Variants in POLR1A observed in about 807,000 individuals in gnomAD.
POLR1A encodes RNA polymerase I subunit A, also known as DNA-directed RNA polymerase I subunit RPA1.
In POLR1A, 84 loss-of-function variants were observed where a neutral mutation model predicts 205.3. The ratio of observed to expected loss-of-function variants is 0.41; its 90% CI spans 0.34 to 0.49. The LOEUF (loss-of-function observed/expected upper bound fraction) is 0.49, where lower values mean the gene tolerates loss of function less well. Among genes scored for constraint, POLR1A ranks in the 20% least tolerant of loss-of-function variants. The probability of loss-of-function intolerance (pLI) is 0.22; values close to 1 mark genes in which losing one functional copy is unlikely to be tolerated. For synonymous variants in POLR1A, 799 were observed against 863.7 expected, an observed-to-expected ratio of 0.93 and a Z score of 1.31; for missense variants, 1,645 against 2,204.5, an observed-to-expected ratio of 0.75 and a Z score of 5.08.
At position 86,039,405 on chromosome 2, in the gene POLR1A, C is replaced by T. The variant is rs768233457; in HGVS notation, c.3798G>A (p.Val1266=). 3 of 1,614,088 alleles carry T rather than the reference C, an allele frequency of 1.9e-6. No homozygotes were observed. In the Admixed American group the frequency reaches 5.0e-5, roughly 27 times the overall value. The change falls in exon 26 of 34, where the codon GTG becomes GTA. Residue 1266 remains valine (V), a synonymous_variant. Transcript: ENST00000263857. ...SANIKTPMMS[V]PVLNTKKALK... is the part of the protein sequence containing the mutation. ...GGGCTTTCTTGGTGTTGAGCACGGG[C>T]ACGCTCATCATGGGTGTCTTGATGT...
intron 9 of POLR1A, among the ~76,000 whole-genome samples, chr2:86,079,381 C>T (rs936116609): frequency 1.3e-5 from 2 of 152,042 alleles, no homozygotes; most frequent in Non-Finnish European, 2.9e-5. Context: ...CTGGAGTATC[C>T]CCAATGCCTA....
intron 11 of POLR1A, 50 bp downstream of exon 11, chr2:86,077,809 G>GCACACA (rs758996128): frequency 3.4e-5 from 44 of 1,302,370 alleles, no homozygotes; most frequent in Middle Eastern, 5.3e-4. Flanking sequence ...GCACGCGCGC[G>GCACACA]CGCACACACA....
intron 3 of POLR1A, among the ~76,000 whole-genome samples, chr2:86,090,478 A>T (rs1368433195): frequency 6.6e-6 from 1 of 152,082 alleles, no homozygotes; most frequent in Non-Finnish European, 1.5e-5. Context: ...GACTGCAAAG[A>T]GCCAAGATAG....
At chr2:86,073,603 A>G (rs998730290) in intron 12 of POLR1A, among the ~76,000 whole-genome samples, 2 of 152,130 alleles carry the variant, frequency 1.3e-5, no homozygotes, top group Non-Finnish European at 2.9e-5. Flanking sequence ...CTTGGACATT[A>G]TGTGCTTAAA....
chr2:86,052,804 G>A lies in POLR1A; in HGVS notation c.2392+13C>T, dbSNP rs142989159. On this transcript the variant is annotated intron_variant, in intron 16 of 33. Transcript: ENST00000263857. ...ACGGGTCACTGCCCCAGGGCAGCGA[G>A]CCCGGCACTTACCCAAGGTGAAGCC... 0.029 allele frequency: 43,293 copies of A among 1,501,076 alleles called. 782 individuals are homozygous for A. The highest frequency in any genetic ancestry group is 0.03 in the Non-Finnish European group (33,622 of 1,119,610). 93.0% of individuals were successfully genotyped at this position (1,501,076 alleles called of 1,614,324 possible). A position where few individuals can be genotyped will look rare whatever the true frequency, so the allele number is the denominator to read the frequency against.
chr2:86,039,519 G>A lies in POLR1A; in HGVS notation c.3741-57C>T, dbSNP rs535910211. On this transcript the variant is annotated intron_variant, in intron 25 of 33. Coordinates refer to ENST00000263857, the MANE Select transcript of POLR1A (RefSeq NM_015425.6). Reference sequence around the variant, plus strand: ...AGTGGCAACCAGACCTTCTGTTTGGGTGCAGCTTCTCCTAATGATGTCAGA... The same window carrying A: ...AGTGGCAACCAGACCTTCTGTTTGGATGCAGCTTCTCCTAATGATGTCAGA... 43 of 1,598,494 alleles carry A rather than the reference G, an allele frequency of 2.7e-5. No homozygotes were observed. The South Asian group carries it at 4.3e-4, about 16-fold the overall frequency.
intron 3 of POLR1A, among the ~76,000 whole-genome samples, chr2:86,090,428 G>A (rs978248734): frequency 1.6e-4 from 24 of 148,556 alleles, no homozygotes; most frequent in Non-Finnish European, 2.5e-4. Context: ...AACATCCTAC[G>A]TCCAATAATG....
intron 6 of POLR1A, among the ~76,000 whole-genome samples, chr2:86,084,258 TC>T (rs1673458094): frequency 6.6e-6 from 1 of 151,600 alleles, no homozygotes. Context: ...AGAGCGAGAC[TC>T]CGTCTCAGAA....
chr2:86,051,185 T>C (rs1404841974), intron 16 of POLR1A, among the ~76,000 whole-genome samples: 1 of 151,868 alleles, frequency 6.6e-6, no homozygotes, highest in African/African-American at 2.4e-5. Flanking sequence ...AGGACATTTA[T>C]AAATACATTT....
rs1440555107 is a variant in POLR1A at position 86,026,322 on chromosome 2, A to T, written c.*1101T>A. The T allele has an allele frequency of 6.6e-6, 1 of 152,224 alleles. No individual in the cohort carries two copies. The highest frequency in any genetic ancestry group is 1.5e-5 in the Non-Finnish European group (1 of 68,048). The allele number at this position is 152,224 out of a possible 1,614,324, so 9.4% of individuals were successfully genotyped here. A position where few individuals can be genotyped will look rare whatever the true frequency, so the allele number is the denominator to read the frequency against. On this transcript the variant is annotated 3_prime_UTR_variant, in exon 34 of 34. Coordinates refer to ENST00000263857, the MANE Select transcript of POLR1A (RefSeq NM_015425.6). ...AAATGCAGAAACTGCAAACCAAGGG[A>T]AAAAATTGTTGTAAAAAAAACCAAG...
At chr2:86,030,484 A>C in intron 30 of POLR1A, 88 bp from the exon 31 acceptor site, 1 of 946,434 alleles carries the variant, frequency 1.1e-6, no homozygotes, top group Admixed American at 1.9e-5. Flanking sequence ...AAACCTTTTC[A>C]GGAACTCCCT....
intron 9 of POLR1A, among the ~76,000 whole-genome samples, chr2:86,080,029 G>A (rs1189302599): frequency 6.6e-6 from 1 of 152,154 alleles, no homozygotes; most frequent in Non-Finnish European, 1.5e-5. Flanking sequence ...CAAAACCACA[G>A]AAAGCCCCAA....
At chr2:86,034,190 T>C (rs1458063729) in intron 27 of POLR1A, among the ~76,000 whole-genome samples, 1 of 152,212 alleles carries the variant, frequency 6.6e-6, no homozygotes, top group Non-Finnish European at 1.5e-5. Context: ...TGAAGGACAG[T>C]TGTAGGTGCC....
In POLR1A at chr2:86,083,164, A is replaced by G. The variant is rs776150294; in HGVS notation, c.735T>C (p.Ile245=). Residue 245 remains isoleucine (I), a synonymous_variant, in exon 7 of 34, where the codon ATT becomes ATC. Coordinates refer to ENST00000263857, the MANE Select transcript of POLR1A (RefSeq NM_015425.6). ...AGQKDSEPLG[I]EEAQIGKRGY... ...CTCGTTTTCCTATCTGAGCTTCCTC[A>G]ATTCCTGGAGCCAAGGAGGAGAATC... 1.2e-6 allele frequency: 2 copies of G among 1,612,216 alleles called. No homozygotes were observed. Among genetic ancestry groups the G allele is most frequent in the East Asian group, 2.2e-5 (1 of 44,872 alleles).
intron 22 of POLR1A, among the ~76,000 whole-genome samples, 157 bp from the exon 23 acceptor site, chr2:86,043,352 G>A (rs1178387973): frequency 6.6e-6 from 1 of 152,196 alleles, no homozygotes; most frequent in East Asian, 1.9e-4. Context: ...CAGAGAGGCT[G>A]AGCATCCATT....
intron 33 of POLR1A, among the ~76,000 whole-genome samples, 172 bp downstream of exon 33, chr2:86,027,713 C>CT (rs1449617281): frequency 6.6e-6 from 1 of 152,150 alleles, no homozygotes; most frequent in Non-Finnish European, 1.5e-5. Flanking sequence ...TCCTTCAAAG[C>CT]GTAGAGGCAG....
intron 14 of POLR1A, among the ~76,000 whole-genome samples, chr2:86,057,916 C>T (rs1389351245): frequency 6.6e-6 from 1 of 152,032 alleles, no homozygotes; most frequent in African/African-American, 2.4e-5. Context: ...TAAAAACCTA[C>T]TTATACACTT....
intron 16 of POLR1A, 73 bp from the exon 17 acceptor site, chr2:86,049,315 G>T: frequency 9.6e-7 from 1 of 1,044,122 alleles, no homozygotes; most frequent in Non-Finnish European, 1.5e-6. Flanking sequence ...ACTCAGTAAG[G>T]CCAGAGCACA....
chr2:86,046,857 A>G (rs1217104318), intron 19 of POLR1A, among the ~76,000 whole-genome samples: 6 of 152,104 alleles, frequency 3.9e-5, no homozygotes, highest in Admixed American at 2.0e-4. Context: ...GAAAGAAACA[A>G]TCATGCAAAA....
Sources: allele counts gnomAD v4.1 joint callset (sites outside exome capture counted in the v4.1 genomes callset), GRCh38; gene constraint gnomAD v4.1.1; transcripts MANE v1.5; gene names NCBI Gene and HGNC (gene_info 2026-07-23, HGNC 2026-07-21).